SGCZ: variants seen among roughly 807,000 people sequenced by gnomAD.
SGCZ encodes the protein zeta-sarcoglycan.
SGCZ carries 40 observed loss-of-function variants against 41.3 expected under a neutral mutation model. That is an observed-to-expected ratio of 0.97 (90% CI 0.75 to 1.26). The LOEUF (loss-of-function observed/expected upper bound fraction) is 1.26, where lower values mean the gene tolerates loss of function less well. Ranked by LOEUF, SGCZ falls within the 50% of genes most tolerant of loss-of-function variation. SGCZ has a pLI of 0.00. For synonymous variants in SGCZ, 206 were observed against 137.5 expected, an observed-to-expected ratio of 1.50 and a Z score of -3.49; for missense variants, 552 against 369.8, an observed-to-expected ratio of 1.49 and a Z score of -4.04.
intron 1 of SGCZ, among the ~76,000 whole-genome samples, chr8:14,796,253 A>C (rs943959590): frequency 1.3e-5 from 2 of 152,120 alleles, no homozygotes; most frequent in Non-Finnish European, 2.9e-5. Context: ...TCACTCCACA[A>C]TCTTCCAGAA....
At chr8:14,653,014 T>C (rs745906317) in intron 1 of SGCZ, among the ~76,000 whole-genome samples, 2 of 152,122 alleles carry the variant, frequency 1.3e-5, no homozygotes, top group Non-Finnish European at 2.9e-5. Context: ...GTTAATATCA[T>C]AAATTATGAA....
At chr8:14,982,500 A>T (rs111226715) in intron 1 of SGCZ, among the ~76,000 whole-genome samples, 1 of 152,316 alleles carries the variant, frequency 6.6e-6, no homozygotes, top group East Asian at 1.9e-4. Flanking sequence ...TACATTTCAC[A>T]GTGTAAACAG....
intron 1 of SGCZ, among the ~76,000 whole-genome samples, chr8:14,980,693 C>T (rs1036330579): frequency 6.6e-6 from 1 of 152,118 alleles, no homozygotes; most frequent in Non-Finnish European, 1.5e-5. Context: ...GACTTATTCA[C>T]CACCATGAGA....
intron 2 of SGCZ, among the ~76,000 whole-genome samples, chr8:14,488,533 G>T (rs552687408): frequency 1.3e-5 from 2 of 151,962 alleles, no homozygotes; most frequent in Non-Finnish European, 2.9e-5. Context: ...CCTCTAGCCA[G>T]TTTTACAACA....
chr8:14,393,356 T>A (rs1304564478), intron 2 of SGCZ, among the ~76,000 whole-genome samples: 2 of 151,922 alleles, frequency 1.3e-5, no homozygotes, highest in African/African-American at 4.8e-5. Flanking sequence ...CAGCAGGAAC[T>A]AGGACTAGAC....
intron 1 of SGCZ, among the ~76,000 whole-genome samples, chr8:15,054,712 T>C (rs1180501433): frequency 1.3e-5 from 2 of 151,968 alleles, no homozygotes; most frequent in East Asian, 3.9e-4. Context: ...CCCAGCACTT[T>C]AGGAGGCTGA....
intron 3 of SGCZ, among the ~76,000 whole-genome samples, chr8:14,250,061 A>T (rs1002037193): frequency 6.6e-6 from 1 of 152,222 alleles, no homozygotes; most frequent in Non-Finnish European, 1.5e-5. Context: ...ACCTGAGTTG[A>T]AGCCTAAGAT....
intron 1 of SGCZ, among the ~76,000 whole-genome samples, chr8:14,782,663 G>T (rs887132783): frequency 7.1e-6 from 1 of 140,984 alleles, no homozygotes; most frequent in African/African-American, 2.5e-5. Context: ...GGTTTTAGAT[G>T]AATTATTGAG....
rs1425678167 is a variant in SGCZ at position 14,881,373 on chromosome 8, A to T, written c.40-326447T>A. On this transcript the variant is annotated intron_variant, in intron 1 of 7. Transcript: ENST00000382080. ...TGAATCCCACTCCATTTCGACCCCC[A>T]TACACCATGTCGGTGGTTGAATTCT... Among the ~76,000 whole-genome samples the T allele has an allele frequency of 2.6e-5, 4 of 152,150 alleles. No homozygotes were observed. The East Asian group carries it at 5.8e-4, about 22-fold the overall frequency.
At chr8:14,276,317 T>G (rs1440440725) in intron 3 of SGCZ, among the ~76,000 whole-genome samples, 1 of 152,186 alleles carries the variant, frequency 6.6e-6, no homozygotes, top group Non-Finnish European at 1.5e-5. Context: ...TCACAGCTTC[T>G]TAGGGATCTT....
chr8:14,855,725 T>C (rs757966072), intron 1 of SGCZ, among the ~76,000 whole-genome samples: 4 of 152,180 alleles, frequency 2.6e-5, no homozygotes, highest in Non-Finnish European at 4.4e-5. Flanking sequence ...CCAGAAATAC[T>C]CTCCCTTCAG....
chr8:15,109,519 C>T (rs1388161999), intron 1 of SGCZ, among the ~76,000 whole-genome samples: 4 of 152,050 alleles, frequency 2.6e-5, no homozygotes, highest in Non-Finnish European at 5.9e-5. Context: ...CAATGAGTCA[C>T]AGAAGATTTA....
intron 1 of SGCZ, among the ~76,000 whole-genome samples, chr8:15,222,951 A>T (rs1248361323): frequency 1.3e-5 from 2 of 152,230 alleles, no homozygotes; most frequent in Admixed American, 6.5e-5. Context: ...CATGAGTTTC[A>T]TGAAAGCATA....
intron 1 of SGCZ, among the ~76,000 whole-genome samples, chr8:14,788,485 ATTG>A: frequency 6.6e-6 from 1 of 152,152 alleles, no homozygotes; most frequent in East Asian, 1.9e-4. Context: ...TGGGGCAGCT[ATTG>A]TTCCTACCAT....
At chr8:15,049,477 G>A (rs1025956473) in intron 1 of SGCZ, among the ~76,000 whole-genome samples, 3 of 152,166 alleles carry the variant, frequency 2.0e-5, no homozygotes, top group African/African-American at 7.2e-5. Context: ...AAGCTATAGG[G>A]GAGTTTAAGC....
chr8:14,674,493 GC>G (rs1161229663), intron 1 of SGCZ, among the ~76,000 whole-genome samples: 2 of 152,086 alleles, frequency 1.3e-5, no homozygotes. Flanking sequence ...CTATAAATAT[GC>G]AAAATTGGTT....
intron 1 of SGCZ, among the ~76,000 whole-genome samples, chr8:15,179,603 G>T (rs1405558647): frequency 6.6e-6 from 1 of 152,032 alleles, no homozygotes; most frequent in Non-Finnish European, 1.5e-5. Context: ...ATTATAAATG[G>T]CACAAAGCAT....
At chr8:14,944,865 C>G (rs939377778) in intron 1 of SGCZ, among the ~76,000 whole-genome samples, 9 of 152,100 alleles carry the variant, frequency 5.9e-5, no homozygotes, top group African/African-American at 2.2e-4. Flanking sequence ...TTAAGTCAAA[C>G]CATTGTAAGT....
At chr8:14,501,587 G>T (rs1288719229) in intron 2 of SGCZ, among the ~76,000 whole-genome samples, 1 of 147,280 alleles carries the variant, frequency 6.8e-6, no homozygotes, top group Middle Eastern at 3.4e-3. Context: ...TATTATAGAT[G>T]AAATTCATGA....
Sources: gnomAD v4.1 joint callset for allele counts (sites outside exome capture counted in the v4.1 genomes callset) on GRCh38, gnomAD v4.1.1 for gene constraint, MANE v1.5 for transcripts, NCBI Gene and HGNC (gene_info 2026-07-23, HGNC 2026-07-21) for gene names.